The following SYN3 variants were observed in gnomAD, a reference collection of about 807,000 sequenced individuals.
SYN3 encodes synapsin III.
Under a neutral mutation model 65.8 loss-of-function variants are expected in SYN3, and 35 were observed. The ratio of observed to expected loss-of-function variants is 0.53; its 90% CI spans 0.41 to 0.70. SYN3 has a LOEUF of 0.70. SYN3 is among the 30% of genes least tolerant of loss of function. The pLI, the probability that SYN3 is intolerant of heterozygous loss-of-function variation, is 0.00. For synonymous variants in SYN3, 270 were observed against 292.9 expected (o/e 0.92, Z 0.80); for missense variants, 680 against 749.0 (o/e 0.91, Z 1.08).
At chr22:32,928,386 C>T (rs1249167606) in intron 4 of SYN3, among the ~76,000 whole-genome samples, 3 of 152,166 alleles carry the variant, frequency 2.0e-5, no homozygotes, top group Admixed American at 6.5e-5. Flanking sequence ...CAAACATCAT[C>T]GCTTAGCCTA....
chr22:32,877,080 C>A (rs531756726), intron 4 of SYN3, among the ~76,000 whole-genome samples: 2 of 152,352 alleles, frequency 1.3e-5, no homozygotes, highest in African/African-American at 2.4e-5. Flanking sequence ...ATGGACAAGG[C>A]AGTCTGTGCC....
chr22:32,517,122 C>T (rs149426611), intron 13 of SYN3, among the ~76,000 whole-genome samples: 2 of 152,324 alleles, frequency 1.3e-5, no homozygotes, highest in African/African-American at 4.8e-5. Context: ...CTGTAGCCTG[C>T]CCTTTTGAGA....
At chr22:32,788,185 C>T (rs912204376) in intron 6 of SYN3, among the ~76,000 whole-genome samples, 19 of 151,782 alleles carry the variant, frequency 1.3e-4, no homozygotes, top group African/African-American at 4.4e-4. Flanking sequence ...TTCAACCAAC[C>T]GTGGATGGAA....
intron 4 of SYN3, among the ~76,000 whole-genome samples, chr22:32,896,283 C>T (rs753325974): frequency 4.6e-5 from 7 of 151,700 alleles, no homozygotes; most frequent in African/African-American, 9.7e-5. Flanking sequence ...GGTGAAACCC[C>T]GACTCTACTG....
At position 33,006,763 on chromosome 22, in the gene SYN3, C is replaced by A; in HGVS notation, c.-101G>T. ...GGTACAGGGAGTGGTAGGACTTTAG[C>A]CAGAAGAGCCAGGGGGATTTTGCGC... On this transcript the variant is annotated 5_prime_UTR_variant, in exon 2 of 14. Coordinates refer to ENST00000358763, the MANE Select transcript of SYN3 (RefSeq NM_003490.4). The A allele has an allele frequency of 8.1e-7, 1 of 1,230,832 alleles. No homozygotes were observed. The highest frequency in any genetic ancestry group is 1.1e-6 in the Non-Finnish European group (1 of 888,302). 76.2% of individuals were successfully genotyped at this position (1,230,832 alleles called of 1,614,324 possible).
intron 7 of SYN3, among the ~76,000 whole-genome samples, chr22:32,560,594 CCGATGTG>C (rs1255200119): frequency 6.6e-6 from 1 of 152,094 alleles, no homozygotes; most frequent in Non-Finnish European, 1.5e-5. Context: ...GGAGAAGAGG[CCGATGTG>C]GATGCAGCGG....
chr22:32,854,708 G>A (rs1472579338), intron 6 of SYN3, among the ~76,000 whole-genome samples: 2 of 152,074 alleles, frequency 1.3e-5, no homozygotes, highest in African/African-American at 2.4e-5. Context: ...TACCCACCCC[G>A]CGCCCCCACC....
chr22:32,556,633 C>T (rs992899770), intron 7 of SYN3, among the ~76,000 whole-genome samples: 2 of 151,960 alleles, frequency 1.3e-5, no homozygotes, highest in African/African-American at 4.8e-5. Context: ...TGGAGTTCTC[C>T]TCTAACAGTA....
At chr22:32,724,773 A>G (rs949610992) in intron 6 of SYN3, among the ~76,000 whole-genome samples, 1 of 152,156 alleles carries the variant, frequency 6.6e-6, no homozygotes, top group Non-Finnish European at 1.5e-5. Context: ...GGACTCTGGC[A>G]TCCTGAAAAA....
intron 7 of SYN3, among the ~76,000 whole-genome samples, chr22:32,551,803 T>C (rs2058419805): frequency 6.6e-6 from 1 of 152,208 alleles, no homozygotes; most frequent in Non-Finnish European, 1.5e-5. Flanking sequence ...AGATTTGCTT[T>C]AAAATATTCC....
At chr22:33,014,153 C>A (rs1157033492) in intron 1 of SYN3, among the ~76,000 whole-genome samples, 1 of 151,876 alleles carries the variant, frequency 6.6e-6, no homozygotes, top group Non-Finnish European at 1.5e-5. Flanking sequence ...CGGCCTCAAG[C>A]AATTCTCCTG....
chr22:32,849,626 G>A, intron 6 of SYN3: 3 of 1,122,648 alleles, frequency 2.7e-6, no homozygotes, highest in East Asian at 2.6e-5. Flanking sequence ...TTGGAACTGG[G>A]GTGTGTGTCT....
At chr22:32,668,305 C>T (rs2147050096) in intron 6 of SYN3, among the ~76,000 whole-genome samples, 1 of 152,294 alleles carries the variant, frequency 6.6e-6, no homozygotes, top group Admixed American at 6.5e-5. Context: ...ACATAATTAT[C>T]TTTTCAATGA....
In SYN3 at chr22:32,775,157, C is replaced by T. The variant is rs1258057324; in HGVS notation, c.711+89758G>A. Among the ~76,000 whole-genome samples, 6 of 152,182 alleles carry T rather than the reference C, an allele frequency of 3.9e-5. 1 individual carries two copies. The highest frequency in any genetic ancestry group is 2.6e-4 in the Admixed American group (4 of 15,278). ...GTAGACAGCCACCTTCTCACTGTGT[C>T]CTCATGTAGCCTTTCCTTGGTGTGC... is the stretch of plus-strand genomic sequence containing the variant. On this transcript the variant is annotated intron_variant, in intron 6 of 13. Transcript: ENST00000358763.
chr22:32,982,585 C>T (rs1337706257), intron 2 of SYN3, among the ~76,000 whole-genome samples: 3 of 152,184 alleles, frequency 2.0e-5, no homozygotes, highest in African/African-American at 7.2e-5. Flanking sequence ...CTATTTATTA[C>T]AACAATAATT....
At chr22:32,676,528 C>CTTTTTTTTTTT (rs879196572) in intron 6 of SYN3, among the ~76,000 whole-genome samples, 35 of 88,930 alleles carry the variant, frequency 3.9e-4, no homozygotes, top group Non-Finnish European at 4.4e-4. Flanking sequence ...TCTTTTCTTT[C>CTTTTTTTTTTT]TTTTTTTTTT....
intron 6 of SYN3, among the ~76,000 whole-genome samples, chr22:32,780,078 A>AAAAAAAAAAAAAAAAAG (rs1359453939): frequency 8.4e-4 from 44 of 52,652 alleles, no homozygotes; most frequent in African/African-American, 1.4e-3. Context: ...CAAAAAAAAA[A>AAAAAAAAAAAAAAAAAG]AGAGAGAGAA....
intron 6 of SYN3, among the ~76,000 whole-genome samples, chr22:32,683,099 G>A (rs2147120593): frequency 6.6e-6 from 1 of 152,308 alleles, no homozygotes; most frequent in Middle Eastern, 3.4e-3. Context: ...TTGCAGAGGA[G>A]CAAGAAGCTC....
chr22:32,683,211 T>C (rs2060546836), intron 6 of SYN3, among the ~76,000 whole-genome samples: 1 of 152,108 alleles, frequency 6.6e-6, no homozygotes, highest in Non-Finnish European at 1.5e-5. Context: ...AATGGTGTGG[T>C]CCTGCTCTTT....
Sources: gnomAD v4.1 joint callset for allele counts (sites outside exome capture counted in the v4.1 genomes callset) on GRCh38, gnomAD v4.1.1 for gene constraint, MANE v1.5 for transcripts, NCBI Gene and HGNC (gene_info 2026-07-23, HGNC 2026-07-21) for gene names.